The following KLHL24 variants were observed in gnomAD, a reference collection of about 807,000 sequenced individuals.
The protein encoded by KLHL24 is kelch-like protein 24.
A neutral mutation model predicts 53.4 loss-of-function variants in KLHL24; 29 were observed. The observed-to-expected ratio is 0.54, with a 90% CI of 0.40 to 0.74. The LOEUF (loss-of-function observed/expected upper bound fraction) is 0.74, where lower values mean the gene tolerates loss of function less well. KLHL24 is among the 30% of genes least tolerant of loss of function. The pLI is 0.00. For missense variants in KLHL24, 504 were observed against 744.0 expected (o/e 0.68, Z 3.75); for synonymous variants, 222 against 253.7 (o/e 0.88, Z 1.19).
chr3:183,674,243 T>TTTTCTTCC (rs1553847595), intron 7 of KLHL24, among the ~76,000 whole-genome samples: 4 of 130,970 alleles, frequency 3.1e-5, no homozygotes, highest in Non-Finnish European at 3.2e-5. Flanking sequence ...TTAGCATCAA[T>TTTTCTTCC]TTTCTTTCTT....
chr3:183,675,091 A>G (rs182265698), intron 7 of KLHL24, among the ~76,000 whole-genome samples: 1 of 152,284 alleles, frequency 6.6e-6, no homozygotes, highest in East Asian at 1.9e-4. Flanking sequence ...TCTTGAGGAC[A>G]CTATTTCTTC....
intron 1 of KLHL24, among the ~76,000 whole-genome samples, chr3:183,641,216 C>T (rs749817156): frequency 8.6e-5 from 13 of 151,932 alleles, no homozygotes; most frequent in Non-Finnish European, 1.9e-4. Flanking sequence ...ATGTACTGGC[C>T]GGGCACAGTG....
At chr3:183,677,581 A>G (rs576446120) in intron 7 of KLHL24, among the ~76,000 whole-genome samples, 5 of 152,356 alleles carry the variant, frequency 3.3e-5, no homozygotes, top group South Asian at 2.1e-4. Context: ...CAAAATTTAT[A>G]TAAAGCAAAT....
chr3:183,678,928 A>G (rs1712366750), intron 7 of KLHL24, among the ~76,000 whole-genome samples, 158 bp from the exon 8 acceptor site: 1 of 60,718 alleles, frequency 1.6e-5, no homozygotes, highest in South Asian at 3.1e-4. Context: ...TCCAGCGCTT[A>G]CACAGAACAC....
At chr3:183,640,508 G>C (rs1716211843) in intron 1 of KLHL24, among the ~76,000 whole-genome samples, 1 of 152,014 alleles carries the variant, frequency 6.6e-6, no homozygotes, top group Admixed American at 6.5e-5. Context: ...AATAAATATG[G>C]GGTAATCCAT....
At chr3:183,646,669 G>A (rs1717293962) in intron 2 of KLHL24, among the ~76,000 whole-genome samples, 1 of 152,176 alleles carries the variant, frequency 6.6e-6, no homozygotes, top group Non-Finnish European at 1.5e-5. Flanking sequence ...CTTCAGGAAG[G>A]TTAAGTGCTA....
intron 3 of KLHL24, among the ~76,000 whole-genome samples, chr3:183,655,393 A>C (rs183299291): frequency 1.8e-4 from 28 of 152,324 alleles, no homozygotes; most frequent in Middle Eastern, 3.4e-3. Context: ...TGGGAGGCCA[A>C]GGCATGGGGG....
intron 5 of KLHL24, among the ~76,000 whole-genome samples, chr3:183,669,347 C>T (rs975327299): frequency 3.3e-5 from 5 of 151,430 alleles, no homozygotes; most frequent in Admixed American, 6.6e-5. Context: ...AGCGAAACTC[C>T]GCCTCAAAAA....
chr3:183,650,711 T>A lies in KLHL24; in HGVS notation c.355T>A (p.Cys119Ser). 6.2e-7 allele frequency: 1 copy of A among 1,613,978 alleles called. No individual in the cohort carries two copies. The highest frequency in any genetic ancestry group is 1.3e-5 in the African/African-American group (1 of 75,040). The change falls in exon 3 of 8, where the codon TGT becomes AGT. Residue 119 changes from cysteine (C) to serine (S), a missense_variant. Transcript: ENST00000242810. The surrounding 1 kb of genome is among the most constrained non-coding windows in gnomAD (Gnocchi z 4.5). ...INGILAEAME[C>S]FLQYVYTGKV... is the part of the protein sequence containing the mutation. ...TGGTATTTTAGCTGAAGCTATGGAA[T>A]GTTTTTTGCAGTATGTTTATACTGG...
At chr3:183,671,318 G>A (rs1473101878) in intron 6 of KLHL24, 96 bp downstream of exon 6, 4 of 1,082,212 alleles carry the variant, frequency 3.7e-6, no homozygotes, top group East Asian at 2.5e-5. Context: ...CATAGTGTGA[G>A]GGGTCTTTTA....
chr3:183,649,458 G>GTAT (rs1717807854), intron 2 of KLHL24, among the ~76,000 whole-genome samples: 1 of 146,082 alleles, frequency 6.8e-6, no homozygotes, highest in East Asian at 2.0e-4. Flanking sequence ...TATCAATACA[G>GTAT]CATTGGACAT....
At chr3:183,636,868 C>T (rs957335606) in intron 1 of KLHL24, among the ~76,000 whole-genome samples, 3 of 152,030 alleles carry the variant, frequency 2.0e-5, no homozygotes, top group Non-Finnish European at 4.4e-5. Context: ...CTGGTAGCCT[C>T]GGTGGCCGCC....
intron 3 of KLHL24, among the ~76,000 whole-genome samples, chr3:183,653,079 G>A (rs10937142): frequency 0.34 from 50,954 of 152,082 alleles, 9,398 homozygotes; most frequent in African/African-American, 0.49. Flanking sequence ...TTCCAAAAAT[G>A]TATTTTATAT....
At chr3:183,644,034 C>CTTTTTTTTTTTTTTTTTTT (rs397955282) in intron 2 of KLHL24, 9 of 76,108 alleles carry the variant, frequency 1.2e-4, no homozygotes, top group African/African-American at 5.4e-4. Context: ...TTTTTCTTTC[C>CTTTTTTTTTTTTTTTTTTT]TTTTTTTTTT....
At chr3:183,677,843 G>A (rs917610291) in intron 7 of KLHL24, among the ~76,000 whole-genome samples, 20 of 146,508 alleles carry the variant, frequency 1.4e-4, no homozygotes, top group African/African-American at 5.5e-4. Flanking sequence ...CCAGACTGGA[G>A]TGCAGTGGCA....
At position 183,681,040 on chromosome 3, in the gene KLHL24, T is replaced by TA. The variant is rs1296403962; in HGVS notation, c.*1760dup. The stretch of plus-strand genomic sequence containing the variant: ...AGAATCTACATTCTGAGGAAAACTC[T>TA]AAAAAACTTAAAAATTTTTAGGGAA... On this transcript the variant is annotated 3_prime_UTR_variant, in exon 8 of 8. Transcript: ENST00000242810. 9 of 152,164 alleles carry TA rather than the reference T, an allele frequency of 5.9e-5. No individual in the cohort carries two copies. Among genetic ancestry groups the TA allele is most frequent in the Non-Finnish European group, 1.3e-4 (9 of 67,970 alleles). 9.4% of individuals were successfully genotyped at this position (152,164 alleles called of 1,614,324 possible).
chr3:183,652,679 A>G (rs1484811406), intron 3 of KLHL24, among the ~76,000 whole-genome samples: 1 of 152,202 alleles, frequency 6.6e-6, no homozygotes, highest in Admixed American at 6.5e-5. Context: ...AAGTCAGCAT[A>G]CTGTGAGATA....
chr3:183,640,341 C>T (rs1338961871), intron 1 of KLHL24, among the ~76,000 whole-genome samples: 1 of 151,994 alleles, frequency 6.6e-6, no homozygotes, highest in South Asian at 2.1e-4. Context: ...TATTTTTTTT[C>T]CTGTGATTTA....
intron 1 of KLHL24, among the ~76,000 whole-genome samples, chr3:183,639,512 C>G (rs935516186): frequency 4.0e-5 from 6 of 151,084 alleles, no homozygotes; most frequent in African/African-American, 1.2e-4. Context: ...CGCCTGTAGT[C>G]CCAGCTACTC....
Sources: gnomAD v4.1 joint callset for allele counts (sites outside exome capture counted in the v4.1 genomes callset) on GRCh38, gnomAD v4.1.1 for gene constraint, Gnocchi (gnomAD v3.1) non-coding constraint, MANE v1.5 for transcripts, NCBI Gene and HGNC (gene_info 2026-07-23, HGNC 2026-07-21) for gene names.